The following MMP16 variants were observed in gnomAD, a reference collection of about 807,000 sequenced individuals.
MMP16 encodes matrix metallopeptidase 16.
Under a neutral mutation model 67.8 loss-of-function variants are expected in MMP16, and 12 were observed. The ratio of observed to expected loss-of-function variants is 0.18; its 90% CI spans 0.11 to 0.29. The LOEUF (loss-of-function observed/expected upper bound fraction) is 0.29. Ranked by LOEUF, MMP16 falls within the 10% of genes least tolerant of loss-of-function variation. MMP16 has a pLI of 1.00. For missense variants in MMP16, 475 were observed against 765.7 expected (o/e 0.62, Z 4.48); for synonymous variants, 249 against 255.9 (o/e 0.97, Z 0.26).
At chr8:88,160,867 T>C (rs183246578) in intron 4 of MMP16, among the ~76,000 whole-genome samples, 52 of 152,318 alleles carry the variant, frequency 3.4e-4, no homozygotes, top group African/African-American at 1.2e-3. Context: ...TTGTGTATGT[T>C]GAACCAGCCT....
rs538702310 is a variant in MMP16 at position 88,107,090 on chromosome 8, G to C, written c.1083+9417C>G. ...GTTGATCCACCTGGGAATTTACTTAGATTTTTTTCCCTGACTCTATTCTGT... is the reference window on the plus strand; with the variant it reads ...GTTGATCCACCTGGGAATTTACTTACATTTTTTTCCCTGACTCTATTCTGT... On this transcript the variant is annotated intron_variant, in intron 6 of 9. Coordinates refer to ENST00000286614, the MANE Select transcript of MMP16 (RefSeq NM_005941.5). Among the ~76,000 whole-genome samples, 3 of 151,194 alleles carry C rather than the reference G, an allele frequency of 2.0e-5. No individual in the cohort carries two copies. In the East Asian group the frequency reaches 5.9e-4, roughly 30 times the overall value.
intron 4 of MMP16, among the ~76,000 whole-genome samples, chr8:88,148,911 G>A (rs1002170466): frequency 4.6e-5 from 7 of 152,186 alleles, no homozygotes; most frequent in East Asian, 1.9e-4. Flanking sequence ...CGTGAGCGAC[G>A]CAGAAGACGG....
At chr8:88,062,478 TA>T (rs34695858) in intron 7 of MMP16, among the ~76,000 whole-genome samples, 14 of 151,986 alleles carry the variant, frequency 9.2e-5, no homozygotes, top group Admixed American at 8.5e-4. Context: ...TATGCAGCCA[TA>T]AAAAAGGATG....
rs370593368 is a variant in MMP16, at chr8:88,231,859, TAAAC to T, written c.133-34557_133-34554del. On this transcript the variant is annotated intron_variant, in intron 1 of 9. Transcript: ENST00000286614. ...TTCTCTAAAATAATTATAAATATGA[TAAAC>T]AAATATATGTATTTTTATGTTATAA... Among the ~76,000 whole-genome samples the T allele has an allele frequency of 2.7e-3, 410 of 152,296 alleles. 4 individuals are homozygous for T. In the Middle Eastern group the frequency reaches 0.048, roughly 18 times the overall value.
intron 4 of MMP16, among the ~76,000 whole-genome samples, chr8:88,154,763 G>T (rs1338814861): frequency 1.3e-5 from 2 of 148,252 alleles, no homozygotes; most frequent in African/African-American, 2.5e-5. Context: ...ATATACCTAA[G>T]GCTAGATGAC....
intron 1 of MMP16, among the ~76,000 whole-genome samples, chr8:88,266,630 T>C (rs927473852): frequency 7.2e-5 from 11 of 152,162 alleles, no homozygotes; most frequent in African/African-American, 2.7e-4. Flanking sequence ...CATTTCATAA[T>C]TTTGAGGAAA....
intron 3 of MMP16, among the ~76,000 whole-genome samples, chr8:88,185,487 G>A (rs1230675134): frequency 6.6e-6 from 1 of 152,044 alleles, no homozygotes; most frequent in Non-Finnish European, 1.5e-5. Context: ...AAGTTCAAGT[G>A]ACATGTTCCA....
intron 3 of MMP16, among the ~76,000 whole-genome samples, chr8:88,175,186 T>C (rs978870523): frequency 6.6e-6 from 1 of 152,136 alleles, no homozygotes; most frequent in African/African-American, 2.4e-5. Flanking sequence ...TCACCACTGC[T>C]TTGTATACCA....
intron 3 of MMP16, among the ~76,000 whole-genome samples, chr8:88,185,792 T>C (rs1242963920): frequency 6.6e-6 from 1 of 152,178 alleles, no homozygotes; most frequent in Non-Finnish European, 1.5e-5. Flanking sequence ...TCTTGCATCC[T>C]GTCCTTTCTT....
At chr8:88,087,730 G>A (rs1808857946) in intron 6 of MMP16, among the ~76,000 whole-genome samples, 1 of 151,594 alleles carries the variant, frequency 6.6e-6, no homozygotes. Flanking sequence ...AATCACTTGA[G>A]CCCAGGAGTT....
chr8:88,238,246 C>T (rs1238137334), intron 1 of MMP16, among the ~76,000 whole-genome samples: 6 of 152,196 alleles, frequency 3.9e-5, no homozygotes. Flanking sequence ...GGCATAGTGT[C>T]TCACGCCTGT....
In MMP16 at chr8:88,259,663, T is replaced by C. The variant is rs1256260995; in HGVS notation, c.133-62357A>G. Among the ~76,000 whole-genome samples the C allele has an allele frequency of 3.3e-5, 5 of 150,858 alleles. No homozygotes were observed. In the East Asian group the frequency reaches 9.9e-4, roughly 30 times the overall value. On this transcript the variant is annotated intron_variant, in intron 1 of 9. Coordinates refer to ENST00000286614, the MANE Select transcript of MMP16 (RefSeq NM_005941.5). ...GAAGAGGAAAGGGAAGGGGAAGGGA[T>C]TCCCAACCATTAGGACTATAACTAT...
Position 88,212,624 on chromosome 8 carries a change from A to C in MMP16, c.133-15318T>G, listed in dbSNP as rs553641988. Among the ~76,000 whole-genome samples, 26 of 152,296 alleles carry C rather than the reference A, an allele frequency of 1.7e-4. No individual in the cohort carries two copies. The East Asian group carries it at 4.2e-3, about 25-fold the overall frequency. On this transcript the variant is annotated intron_variant, in intron 1 of 9. Transcript: ENST00000286614. ...AATGTCCCTCTGCTACAACATTATT[A>C]CTGATTACCATCTCATGAGCCTCTC...
intron 1 of MMP16, among the ~76,000 whole-genome samples, chr8:88,264,387 G>T (rs949333776): frequency 3.3e-5 from 5 of 152,070 alleles, no homozygotes; most frequent in Non-Finnish European, 5.9e-5. Flanking sequence ...TTTTTTTAGA[G>T]ATAGGATCTT....
chr8:88,055,911 G>T (rs1276026352), intron 8 of MMP16, among the ~76,000 whole-genome samples: 1 of 151,804 alleles, frequency 6.6e-6, no homozygotes, highest in Non-Finnish European at 1.5e-5. Flanking sequence ...ACATATGCTA[G>T]GTATACACAT....
intron 1 of MMP16, among the ~76,000 whole-genome samples, chr8:88,273,072 A>C (rs964272885): frequency 6.6e-6 from 1 of 151,872 alleles, no homozygotes; most frequent in African/African-American, 2.4e-5. Context: ...TTGAATAGCT[A>C]AATAGAAAAT....
Position 88,080,844 on chromosome 8 carries a change from C to T in MMP16, c.1084-6101G>A, listed in dbSNP as rs552438767. Among the ~76,000 whole-genome samples, 17 of 152,064 alleles carry T rather than the reference C, an allele frequency of 1.1e-4. No individual in the cohort carries two copies. The South Asian group carries it at 2.1e-3, about 19-fold the overall frequency. On this transcript the variant is annotated intron_variant, in intron 6 of 9. Coordinates refer to ENST00000286614, the MANE Select transcript of MMP16 (RefSeq NM_005941.5). Reference sequence around the variant, plus strand: ...AAAAAAATTGGGTATGCAACAATACCGAAAGAAAGACAAAAATGTGGCAGC... The same window carrying T: ...AAAAAAATTGGGTATGCAACAATACTGAAAGAAAGACAAAAATGTGGCAGC...
intron 6 of MMP16, among the ~76,000 whole-genome samples, chr8:88,096,414 T>G (rs534964433): frequency 1.3e-5 from 2 of 152,118 alleles, no homozygotes; most frequent in African/African-American, 4.8e-5. Context: ...ATAACTTCAG[T>G]GTCCCTATTT....
At chr8:88,092,401 AT>A (rs1808953421) in intron 6 of MMP16, among the ~76,000 whole-genome samples, 1 of 151,934 alleles carries the variant, frequency 6.6e-6, no homozygotes, top group South Asian at 2.1e-4. Flanking sequence ...AAACTACAGT[AT>A]CTTCCTTTCC....
Sources: allele counts gnomAD v4.1 joint callset (sites outside exome capture counted in the v4.1 genomes callset), GRCh38; gene constraint gnomAD v4.1.1; transcripts MANE v1.5; gene names NCBI Gene and HGNC (gene_info 2026-07-23, HGNC 2026-07-21).